MTUS2: variants seen among roughly 807,000 people sequenced by gnomAD.
The protein encoded by MTUS2 is microtubule-associated tumor suppressor candidate 2.
A neutral mutation model predicts 114.1 loss-of-function variants in MTUS2; 40 were observed. The observed-to-expected ratio is 0.35, with a 90% CI of 0.27 to 0.46. The LOEUF (loss-of-function observed/expected upper bound fraction) is 0.46. MTUS2 is among the 20% of genes least tolerant of loss of function. The pLI, the probability that MTUS2 is intolerant of heterozygous loss-of-function variation, is 1.00. For synonymous variants in MTUS2, 688 were observed against 672.0 expected, an observed-to-expected ratio of 1.02 and a Z score of -0.37; for missense variants, 1,679 against 1,705.4, an observed-to-expected ratio of 0.98 and a Z score of 0.27.
At chr13:29,091,954 C>G (rs1262790281) in intron 4 of MTUS2, among the ~76,000 whole-genome samples, 1 of 152,138 alleles carries the variant, frequency 6.6e-6, no homozygotes, top group Non-Finnish European at 1.5e-5. Flanking sequence ...AGGAAAGACC[C>G]CGGTGGAGGT....
At chr13:28,904,593 G>A (rs550672789) in intron 2 of MTUS2, among the ~76,000 whole-genome samples, 1 of 152,232 alleles carries the variant, frequency 6.6e-6, no homozygotes, top group Admixed American at 6.5e-5. Context: ...TGAGGGCTGT[G>A]TTCTGTTCCA....
intron 4 of MTUS2, among the ~76,000 whole-genome samples, chr13:29,037,452 T>G (rs1031397356): frequency 4.6e-5 from 7 of 152,190 alleles, no homozygotes; most frequent in African/African-American, 1.7e-4. Context: ...CATTTTTTCC[T>G]TCATTTCAAC....
Position 29,299,970 on chromosome 13 carries a change from G to C in MTUS2, c.2806+18105G>C, listed in dbSNP as rs1041357629. ...AACAATTTGAATTTTGGAGGGGGGG[G>C]CACTTGATTTTAAAACCCTAATAAC... On this transcript the variant is annotated intron_variant, in intron 6 of 15. Coordinates refer to ENST00000612955, the MANE Select transcript of MTUS2 (RefSeq NM_001033602.4). Among the ~76,000 whole-genome samples the C allele has an allele frequency of 3.9e-5, 6 of 152,128 alleles. No individual in the cohort carries two copies. The East Asian group carries it at 9.7e-4, about 25-fold the overall frequency.
chr13:29,271,471 C>A (rs976300747), intron 5 of MTUS2, among the ~76,000 whole-genome samples: 1 of 152,186 alleles, frequency 6.6e-6, no homozygotes, highest in Non-Finnish European at 1.5e-5. Context: ...CTTTACAGAT[C>A]CAAGTCTCAC....
In MTUS2 at chr13:28,864,257, T is replaced by C. The variant is rs117050608; in HGVS notation, c.-243+24407T>C. ...CAATTGTGAGTTCATACTATAAAGG[T>C]TGTTAACTACATGCTCATCATAGCA... On this transcript the variant is annotated intron_variant, in intron 2 of 15. Transcript: ENST00000612955. Among the ~76,000 whole-genome samples, 848 of 152,314 alleles carry C rather than the reference T, an allele frequency of 5.6e-3. 1 individual carries two copies. The highest frequency in any genetic ancestry group is 9.3e-3 in the Non-Finnish European group (635 of 68,032).
intron 4 of MTUS2, among the ~76,000 whole-genome samples, chr13:29,043,914 A>G (rs1236367805): frequency 2.0e-5 from 3 of 151,992 alleles, no homozygotes; most frequent in African/African-American, 7.2e-5. Flanking sequence ...CATTTGTGCT[A>G]TTGTTATTAG....
chr13:29,168,274 G>A (rs1238071446), intron 5 of MTUS2, among the ~76,000 whole-genome samples: 1 of 152,248 alleles, frequency 6.6e-6, no homozygotes, highest in Non-Finnish European at 1.5e-5. Context: ...CGTTGATGAT[G>A]TTTCAGATTT....
intron 2 of MTUS2, among the ~76,000 whole-genome samples, chr13:28,931,655 T>C (rs1194964919): frequency 6.6e-6 from 1 of 152,132 alleles, no homozygotes; most frequent in African/African-American, 2.4e-5. Flanking sequence ...TAATACAGCA[T>C]AATAATGACT....
intron 2 of MTUS2, among the ~76,000 whole-genome samples, chr13:28,993,850 C>T (rs1019528566): frequency 6.6e-6 from 1 of 151,620 alleles, no homozygotes; most frequent in Non-Finnish European, 1.5e-5. Context: ...TTCATTTCTT[C>T]TCATTTTCAT....
chr13:29,298,689 A>G (rs1899057084), intron 6 of MTUS2, among the ~76,000 whole-genome samples: 1 of 152,216 alleles, frequency 6.6e-6, no homozygotes, highest in African/African-American at 2.4e-5. Flanking sequence ...CTTGATGGCT[A>G]CTGGAATTGT....
At chr13:28,891,130 G>A (rs1232516135) in intron 2 of MTUS2, among the ~76,000 whole-genome samples, 2 of 152,190 alleles carry the variant, frequency 1.3e-5, no homozygotes, top group Non-Finnish European at 2.9e-5. Flanking sequence ...GAAGAGATTT[G>A]TCTGAGGACA....
intron 2 of MTUS2, among the ~76,000 whole-genome samples, chr13:29,007,145 G>T (rs1466486256): frequency 1.3e-5 from 2 of 151,968 alleles, no homozygotes; most frequent in Non-Finnish European, 2.9e-5. Flanking sequence ...TTTTTAATGG[G>T]TTTGTAGCTT....
At chr13:29,359,832 C>T (rs1011438847) in intron 8 of MTUS2, among the ~76,000 whole-genome samples, 1 of 152,054 alleles carries the variant, frequency 6.6e-6, no homozygotes, top group Non-Finnish European at 1.5e-5. Context: ...GGTCACTTTC[C>T]GACATTACTG....
chr13:29,049,180 GAAGAC>G (rs1253997500), intron 4 of MTUS2, among the ~76,000 whole-genome samples: 2 of 152,198 alleles, frequency 1.3e-5, no homozygotes, highest in Non-Finnish European at 2.9e-5. Flanking sequence ...TCTAAGTATG[GAAGAC>G]AAGGTGAATT....
At chr13:29,353,918 A>G (rs1013996670) in intron 7 of MTUS2, among the ~76,000 whole-genome samples, 8 of 152,120 alleles carry the variant, frequency 5.3e-5, no homozygotes, top group Admixed American at 2.0e-4. Flanking sequence ...GTATGCACTG[A>G]TCAGAATCTG....
chr13:28,897,540 A>G lies in MTUS2; in HGVS notation c.-243+57690A>G, dbSNP rs565820105. Among the ~76,000 whole-genome samples the G allele has an allele frequency of 8.4e-3, 1,278 of 152,276 alleles. 12 individuals are homozygous for G. Among genetic ancestry groups the G allele is most frequent in the South Asian group, 0.023 (111 of 4,822 alleles). On this transcript the variant is annotated intron_variant, in intron 2 of 15. Coordinates refer to ENST00000612955, the MANE Select transcript of MTUS2 (RefSeq NM_001033602.4). ...AAATACCATTTGACCCAGCCATCCC[A>G]TTACTGGGTATATACCCAAAGGACT...
chr13:29,025,364 C>T lies in MTUS2; in HGVS notation c.666C>T (p.Asp222=), dbSNP rs1886476503. The stretch of plus-strand genomic sequence containing the variant: ...AGGGGCCACAGAAGACATTGCCAGA[C>T]CACGCTGTCCCGGCAGCTTTCCCTG... The part of the protein sequence containing the change: ...GGEGPQKTLP[D]HAVPAAFPAT... Residue 222 remains aspartate (D), a synonymous_variant, in exon 3 of 16, where the codon GAC becomes GAT. Transcript: ENST00000612955. 1.9e-6 allele frequency: 3 copies of T among 1,613,838 alleles called. No homozygotes were observed. The highest frequency in any genetic ancestry group is 1.1e-5 in the South Asian group (1 of 91,074).
chr13:29,200,521 G>GTTTTTTTTTTTTTTTTTTTTTTTTTTT (rs56965083), intron 5 of MTUS2, among the ~76,000 whole-genome samples: 2 of 85,432 alleles, frequency 2.3e-5, no homozygotes, highest in African/African-American at 5.0e-5. Flanking sequence ...TTCTTTTTCT[G>GTTTTTTTTTTTTTTTTTTTTTTTTTTT]TTTTTTTTTT....
intron 2 of MTUS2, among the ~76,000 whole-genome samples, chr13:28,912,107 G>A (rs2935200): frequency 0.13 from 19,312 of 151,752 alleles, 1,475 homozygotes; most frequent in African/African-American, 0.2. Context: ...TATTTTCTAG[G>A]TTTTCTTCCA....
Sources: gnomAD v4.1 joint callset for allele counts (sites outside exome capture counted in the v4.1 genomes callset) on GRCh38, gnomAD v4.1.1 for gene constraint, MANE v1.5 for transcripts, NCBI Gene and HGNC (gene_info 2026-07-23, HGNC 2026-07-21) for gene names.